Variants in PHRF1 observed in about 807,000 individuals in gnomAD.
The protein encoded by PHRF1 is PHD and RING finger domain-containing protein 1.
PHRF1 carries 53 observed loss-of-function variants against 128.9 expected under a neutral mutation model. The ratio of observed to expected loss-of-function variants is 0.41; its 90% CI spans 0.33 to 0.52. The LOEUF is 0.52. Ranked by LOEUF, PHRF1 falls within the 20% of genes least tolerant of loss-of-function variation. The probability of loss-of-function intolerance (pLI) is 0.21; values close to 1 mark genes in which losing one functional copy is unlikely to be tolerated. For synonymous variants in PHRF1, 1,178 were observed against 980.6 expected (o/e 1.20, Z -3.76); for missense variants, 2,503 against 2,284.5 (o/e 1.10, Z -1.95).
At chr11:583,985 G>C (rs1428791181) in intron 3 of PHRF1, among the ~76,000 whole-genome samples, 1 of 152,232 alleles carries the variant, frequency 6.6e-6, no homozygotes, top group East Asian at 1.9e-4. Flanking sequence ...ACTGTGATCT[G>C]TGTGTAGCAG....
rs1564841193 is a variant in PHRF1 at position 585,589 on chromosome 11, TTGAGGTAGTAGCC to T, written c.215-1669_215-1657del. Among the ~76,000 whole-genome samples the T allele has an allele frequency of 7.4e-4, 34 of 45,712 alleles. 2 individuals are homozygous for T. The highest frequency in any genetic ancestry group is 2.1e-3 in the African/African-American group (27 of 12,970). 30.0% of individuals were successfully genotyped at this position (45,712 alleles called of 152,430 possible). A position where few individuals can be genotyped will look rare whatever the true frequency, so the allele number is the denominator to read the frequency against. ...GCTTGAGGTAGTAGCCCTTTCCAGC[TTGAGGTAGTAGCC>T]CTTTCCAGCTTGAGGTAGTAGCCCT... On this transcript the variant is annotated intron_variant, in intron 3 of 17. Coordinates refer to ENST00000264555, the MANE Select transcript of PHRF1 (RefSeq NM_001286581.2).
rs2134176821 is a variant in PHRF1 at position 582,014 on chromosome 11, G to A, written c.147G>A (p.Glu49=). 1 of 1,608,460 alleles carries A rather than the reference G, an allele frequency of 6.2e-7. No homozygotes were observed. Among genetic ancestry groups the A allele is most frequent in the Non-Finnish European group, 8.5e-7 (1 of 1,177,508 alleles). The change falls in exon 3 of 18, where the codon GAG becomes GAA. Residue 49 remains glutamate, a synonymous_variant. Coordinates refer to ENST00000264555, the MANE Select transcript of PHRF1 (RefSeq NM_001286581.2). ...SGDSGDDSDS[E]HGDGTDGEDE... ...ACTCTGGGGACGACAGTGACAGCGA[G>A]CATGGAGATGGCACAGACGGAGAAG... is the stretch of plus-strand genomic sequence containing the variant.
intron 17 of PHRF1, 151 bp from the exon 18 acceptor site, chr11:611,483 G>A (rs1426935357): frequency 5.5e-6 from 6 of 1,089,704 alleles, no homozygotes; most frequent in Non-Finnish European, 7.8e-6. Flanking sequence ...TCTCACATAG[G>A]TGGGGCGGCC....
chr11:581,729 T>A lies in PHRF1; in HGVS notation c.94+123T>A, dbSNP rs1219427754. The stretch of plus-strand genomic sequence containing the variant: ...CAGTCTAAAAAAATTATGCTTTGAT[T>A]TTAAATTGCGGAAGTAGTGTATTGT... On this transcript the variant is annotated intron_variant, in intron 2 of 17. Transcript: ENST00000264555. 2.7e-6 allele frequency: 3 copies of A among 1,092,264 alleles called. No homozygotes were observed. The Admixed American group carries it at 9.4e-5, about 34-fold the overall frequency. The allele number at this position is 1,092,264 out of a possible 1,614,324, so 67.7% of individuals were successfully genotyped here.
At chr11:595,889 C>T (rs571519813) in intron 6 of PHRF1, among the ~76,000 whole-genome samples, 5 of 152,310 alleles carry the variant, frequency 3.3e-5, no homozygotes, top group East Asian at 1.9e-4. Flanking sequence ...TGCCCCCACC[C>T]GCCGCCCCCC....
rs758803591 is a variant in PHRF1, at chr11:608,629, G to A, written c.3173G>A (p.Arg1058His). ...AAGAGCCGGCGGTCCTCCAGTGACC[G>A]CTCCAGCAGCCGAGAGCGAGCTAAG... ...KAKSRRSSSDRSSSRERAKRK... is the reference protein window; with the variant it reads ...KAKSRRSSSDHSSSRERAKRK... The change falls in exon 14 of 18, where the codon CGC (arginine) becomes CAC (histidine). Residue 1058 changes from arginine to histidine, a missense_variant. Transcript: ENST00000264555. 1.2e-5 allele frequency: 19 copies of A among 1,611,996 alleles called. No homozygotes were observed. In the East Asian group the frequency reaches 2.7e-4, roughly 23 times the overall value.
rs1258590983 is a variant in PHRF1 at position 608,634 on chromosome 11, A to T, written c.3178A>T (p.Ser1060Cys). 6.2e-7 allele frequency: 1 copy of T among 1,612,220 alleles called. No individual in the cohort carries two copies. Among genetic ancestry groups the T allele is most frequent in the African/African-American group, 1.3e-5 (1 of 75,052 alleles). ...KSRRSSSDRS[S>C]SRERAKRKKA... ...CCGGCGGTCCTCCAGTGACCGCTCC[A>T]GCAGCCGAGAGCGAGCTAAGAGGAA... The change falls in exon 14 of 18, where the codon AGC (serine) becomes TGC (cysteine). Residue 1060 changes from serine (S) to cysteine (C), a missense_variant. Ser to Cys is a moderately radical substitution (Grantham distance 112). Transcript: ENST00000264555.
At position 607,769 on chromosome 11, in the gene PHRF1, G is replaced by A. The variant is rs1484322272; in HGVS notation, c.2313G>A (p.Gly771=). The part of the protein sequence containing the change: ...PLGPSRGKGV[G]STFESFRINI... Reference sequence around the variant, plus strand: ...GACCATCAAGAGGGAAAGGGGTCGGGTCGACCTTTGAGAGCTTCCGGATCA... The same window carrying A: ...GACCATCAAGAGGGAAAGGGGTCGGATCGACCTTTGAGAGCTTCCGGATCA... The change falls in exon 14 of 18, where the codon GGG becomes GGA. Residue 771 remains glycine (G), a synonymous_variant. Transcript: ENST00000264555. 3 of 1,612,572 alleles carry A rather than the reference G, an allele frequency of 1.9e-6. No homozygotes were observed. In the Admixed American group the frequency reaches 5.0e-5, roughly 27 times the overall value.
Position 576,595 on chromosome 11 carries a change from A to C in PHRF1, c.-22+3A>C, listed in dbSNP as rs902701466. On this transcript the variant is annotated splice_donor_region_variant and intron_variant, in intron 1 of 17. Transcript: ENST00000264555. ...GCTGCGGGACGCGAGGTTTCCGGGT[A>C]AGTGCGGCGGCCGCGCCGGCCCTGG... 3.3e-5 allele frequency: 5 copies of C among 150,508 alleles called. No individual in the cohort carries two copies. The highest frequency in any genetic ancestry group is 4.0e-4 in the East Asian group (2 of 5,018). 9.3% of individuals were successfully genotyped at this position (150,508 alleles called of 1,614,324 possible). A position where few individuals can be genotyped will look rare whatever the true frequency, so the allele number is the denominator to read the frequency against.
intron 1 of PHRF1, among the ~76,000 whole-genome samples, chr11:579,404 G>A (rs1439682597): frequency 6.6e-6 from 1 of 152,254 alleles, no homozygotes; most frequent in African/African-American, 2.4e-5. Flanking sequence ...TAGGAGCAGG[G>A]TAGGTGTTGG....
intron 3 of PHRF1, among the ~76,000 whole-genome samples, chr11:586,049 C>T (rs1854537896): frequency 1.3e-5 from 2 of 151,832 alleles, no homozygotes; most frequent in South Asian, 2.1e-4. Context: ...TTTGTAGAGA[C>T]GGGGTTTCAC....
intron 1 of PHRF1, among the ~76,000 whole-genome samples, chr11:578,586 A>G (rs1854022434): frequency 6.6e-6 from 1 of 152,144 alleles, no homozygotes; most frequent in African/African-American, 2.4e-5. Flanking sequence ...GTGGTCCCCA[A>G]TCTCAGTGCA....
intron 6 of PHRF1, among the ~76,000 whole-genome samples, chr11:595,588 C>T (rs963298697): frequency 6.6e-6 from 1 of 152,160 alleles, no homozygotes; most frequent in Admixed American, 6.5e-5. Context: ...TCCTTGTCCC[C>T]GTGCTCGTAT....
At chr11:596,266 A>G (rs920121043) in intron 6 of PHRF1, among the ~76,000 whole-genome samples, 1 of 152,184 alleles carries the variant, frequency 6.6e-6, no homozygotes, top group Non-Finnish European at 1.5e-5. Context: ...GGAGGGGCAC[A>G]TATACCTCAT....
intron 1 of PHRF1, among the ~76,000 whole-genome samples, chr11:579,370 G>C (rs1337929721): frequency 1.3e-5 from 2 of 152,122 alleles, no homozygotes; most frequent in African/African-American, 4.8e-5. Flanking sequence ...GGCAGGGACT[G>C]CATTCGCCTT....
In PHRF1 at chr11:610,758, G is replaced by T. The variant is rs756500136; in HGVS notation, c.4674G>T (p.Glu1558Asp). The change falls in exon 16 of 18, where the codon GAG becomes GAT. Residue 1558 changes from glutamate to aspartate, a missense_variant. Physicochemically the swap from Glu to Asp is conservative, Grantham distance 45. Coordinates refer to ENST00000264555, the MANE Select transcript of PHRF1 (RefSeq NM_001286581.2). ...TAGCTGCGGAGAAAACCAAGAAGGA[G>T]GAGGTGAGTCCTGCCTCCTCCCACT... ...PRLAAEKTKK[E>D]EYMKKLHMQE... is the part of the protein sequence containing the mutation. 6 of 1,600,916 alleles carry T rather than the reference G, an allele frequency of 3.7e-6. No individual in the cohort carries two copies. In the African/African-American group the frequency reaches 8.0e-5, roughly 21 times the overall value.
rs758686517 is a variant in PHRF1 at position 597,555 on chromosome 11, G to A, written c.879G>A (p.Thr293=). The A allele has an allele frequency of 1.4e-5, 22 of 1,611,476 alleles. No individual in the cohort carries two copies. The highest frequency in any genetic ancestry group is 1.7e-5 in the Non-Finnish European group (20 of 1,179,244). Residue 293 remains threonine, a synonymous_variant, in exon 8 of 18, where the codon ACG becomes ACA. Coordinates refer to ENST00000264555, the MANE Select transcript of PHRF1 (RefSeq NM_001286581.2). The surrounding 1 kb of genome is among the most constrained non-coding windows in gnomAD (Gnocchi z 6.5). Reference sequence around the variant, plus strand: ...CCGTGAACCGGAACCGGATCTCCACGGCCAGGAGGGTCCAGGTGGGTGGCC... The same window carrying A: ...CCGTGAACCGGAACCGGATCTCCACAGCCAGGAGGGTCCAGGTGGGTGGCC... The part of the protein sequence containing the change: ...RATVNRNRIS[T]ARRVQHTPGR...
intron 1 of PHRF1, among the ~76,000 whole-genome samples, chr11:579,200 G>C (rs1854062758): frequency 6.7e-6 from 1 of 149,080 alleles, no homozygotes; most frequent in African/African-American, 2.5e-5. Flanking sequence ...TTTGCACTCG[G>C]GACAGTTGGA....
intron 1 of PHRF1, among the ~76,000 whole-genome samples, chr11:577,412 G>A (rs1167655038): frequency 6.6e-6 from 1 of 152,226 alleles, no homozygotes; most frequent in Non-Finnish European, 1.5e-5. Context: ...GTGGTCAATG[G>A]ACAGGCTCTG....
Sources: allele counts gnomAD v4.1 joint callset (sites outside exome capture counted in the v4.1 genomes callset), GRCh38; gene constraint gnomAD v4.1.1; non-coding constraint Gnocchi (gnomAD v3.1); transcripts MANE v1.5; gene names NCBI Gene and HGNC (gene_info 2026-07-23, HGNC 2026-07-21).